CDC14B: variants seen among roughly 807,000 people sequenced by gnomAD.
CDC14B encodes the protein dual specificity protein phosphatase CDC14B.
A neutral mutation model predicts 64.2 loss-of-function variants in CDC14B; 22 were observed. That is an observed-to-expected ratio of 0.34 (90% CI 0.24 to 0.49). The LOEUF is 0.49. Ranked by LOEUF, CDC14B falls within the 20% of genes least tolerant of loss-of-function variation. The probability of loss-of-function intolerance (pLI) is 0.99; values close to 1 mark genes in which losing one functional copy is unlikely to be tolerated. For missense variants in CDC14B, 498 were observed against 629.9 expected (o/e 0.79, Z 2.24); for synonymous variants, 191 against 215.8 (o/e 0.89, Z 1.01).
rs1451989397 is a variant in CDC14B at position 96,618,268 on chromosome 9, G to A, written c.160+951C>T. Among the ~76,000 whole-genome samples, 3 of 152,164 alleles carry A rather than the reference G, an allele frequency of 2.0e-5. No homozygotes were observed. In the East Asian group the frequency reaches 5.8e-4, roughly 29 times the overall value. On this transcript the variant is annotated intron_variant, in intron 1 of 13. Transcript: ENST00000375241. ...ACAGTTTTTAATAACGCCACGCACC[G>A]AGGTTGACACATTCCCCGCCACTGA... is the stretch of plus-strand genomic sequence containing the variant.
chr9:96,514,599 T>C (rs753902977), intron 12 of CDC14B: 181 of 985,306 alleles, frequency 1.8e-4, no homozygotes, highest in Non-Finnish European at 2.1e-4. Flanking sequence ...CCAGAGTTGG[T>C]TGCAATGGAA....
chr9:96,537,816 G>A (rs985441967), intron 7 of CDC14B, among the ~76,000 whole-genome samples: 11 of 152,054 alleles, frequency 7.2e-5, no homozygotes, highest in African/African-American at 1.4e-4. Context: ...TCTGCCTCCC[G>A]GGTTCAAGTG....
intron 7 of CDC14B, among the ~76,000 whole-genome samples, chr9:96,536,837 G>C (rs915396532): frequency 2.6e-4 from 40 of 152,132 alleles, no homozygotes; most frequent in Non-Finnish European, 8.8e-5. Flanking sequence ...GCTGAAAAGG[G>C]CTTTAGCACA....
At chr9:96,494,973 T>A (rs1342472121) in intron 13 of CDC14B, among the ~76,000 whole-genome samples, 1 of 151,608 alleles carries the variant, frequency 6.6e-6, no homozygotes, top group Non-Finnish European at 1.5e-5. Flanking sequence ...TAGCTGGGAC[T>A]ACAGGTACCT....
At chr9:96,615,864 G>A (rs10124004) in intron 1 of CDC14B, among the ~76,000 whole-genome samples, 3,467 of 152,192 alleles carry the variant, frequency 0.023, 114 homozygotes, top group African/African-American at 0.079. Context: ...CTGGCCTGGC[G>A]TTTTCACCTC....
chr9:96,619,094 G>A (rs565982587), intron 1 of CDC14B, 125 bp downstream of exon 1: 1 of 690,012 alleles, frequency 1.4e-6, no homozygotes, highest in African/African-American at 1.9e-5. Flanking sequence ...GGCGTTTAAG[G>A]GGGTGGGGGC....
At chr9:96,576,946 T>A (rs147260077) in intron 1 of CDC14B, among the ~76,000 whole-genome samples, 1 of 152,138 alleles carries the variant, frequency 6.6e-6, no homozygotes, top group Non-Finnish European at 1.5e-5. Flanking sequence ...GTTCAATGAC[T>A]ACAATACAAT....
At chr9:96,561,580 G>A (rs1055893903) in intron 4 of CDC14B, among the ~76,000 whole-genome samples, 10 of 151,984 alleles carry the variant, frequency 6.6e-5, no homozygotes, top group African/African-American at 1.2e-4. Flanking sequence ...CCGGGTTCAC[G>A]ACGTTCTCTT....
chr9:96,572,107 G>A (rs1374630457), intron 1 of CDC14B, among the ~76,000 whole-genome samples: 1 of 152,142 alleles, frequency 6.6e-6, no homozygotes, highest in Non-Finnish European at 1.5e-5. Context: ...ATGCCCGGAG[G>A]GTGGTGCACC....
intron 12 of CDC14B, among the ~76,000 whole-genome samples, chr9:96,521,422 C>T (rs754152690): frequency 1.1e-4 from 17 of 152,170 alleles, no homozygotes; most frequent in Non-Finnish European, 2.4e-4. Context: ...TAAAGTACCA[C>T]TAAGTTGCAA....
At chr9:96,535,900 C>T (rs1163002624) in intron 7 of CDC14B, among the ~76,000 whole-genome samples, 5 of 152,096 alleles carry the variant, frequency 3.3e-5, no homozygotes, top group Non-Finnish European at 5.9e-5. Context: ...ACAGTGAGAC[C>T]CTCTCTCTTT....
At chr9:96,590,650 G>GT (rs111524053) in intron 1 of CDC14B, among the ~76,000 whole-genome samples, 13,357 of 140,642 alleles carry the variant, frequency 0.095, 1,467 homozygotes, top group African/African-American at 0.27. Flanking sequence ...TTATTTCCTG[G>GT]TTTTTTTTTT....
rs1352432403 is a variant in CDC14B, at chr9:96,502,930, T to C, written c.*823A>G. ...AAAAACCAATAGTGTGTTTCTTCCA[T>C]TCATGGAAGGAAATATGATTTTAAT... On this transcript the variant is annotated 3_prime_UTR_variant, in exon 14 of 14. Coordinates refer to ENST00000375241, the MANE Select transcript of CDC14B (RefSeq NM_033331.4). 1 of 398,450 alleles carries C rather than the reference T, an allele frequency of 2.5e-6. No individual in the cohort carries two copies. Among genetic ancestry groups the C allele is most frequent in the African/African-American group, 2.1e-5 (1 of 48,616 alleles). The allele number at this position is 398,450 out of a possible 1,614,324, so 24.7% of individuals were successfully genotyped here. A position where few individuals can be genotyped will look rare whatever the true frequency, so the allele number is the denominator to read the frequency against.
intron 1 of CDC14B, among the ~76,000 whole-genome samples, chr9:96,573,219 G>A (rs1844579271): frequency 6.6e-6 from 1 of 152,322 alleles, no homozygotes; most frequent in East Asian, 1.9e-4. Flanking sequence ...GCTGAGGCAG[G>A]AGAATCACTT....
intron 5 of CDC14B, among the ~76,000 whole-genome samples, chr9:96,549,494 T>A (rs1841477507): frequency 1.3e-5 from 2 of 151,808 alleles, no homozygotes; most frequent in African/African-American, 4.8e-5. Context: ...TGAAACCCCA[T>A]TCTCTACTAA....
intron 1 of CDC14B, among the ~76,000 whole-genome samples, chr9:96,590,224 ACATGGAAT>A (rs1249371928): frequency 2.0e-5 from 3 of 152,156 alleles, no homozygotes. Flanking sequence ...TACCCTATAT[ACATGGAAT>A]CAAGCAGTAT....
chr9:96,528,076 G>A (rs1169455328), intron 9 of CDC14B, among the ~76,000 whole-genome samples: 1 of 152,122 alleles, frequency 6.6e-6, no homozygotes, highest in African/African-American at 2.4e-5. Context: ...ATATCTTTAA[G>A]GTTCATCCAT....
chr9:96,509,615 T>C, intron 13 of CDC14B, 58 bp downstream of exon 13: 2 of 1,036,164 alleles, frequency 1.9e-6, no homozygotes, highest in Non-Finnish European at 3.1e-6. Flanking sequence ...AGGGTCCAAA[T>C]ATTAAACTGG....
intron 12 of CDC14B, among the ~76,000 whole-genome samples, chr9:96,519,356 T>C (rs1011738648): frequency 2.6e-5 from 4 of 152,124 alleles, no homozygotes; most frequent in Non-Finnish European, 5.9e-5. Context: ...CCTGTCATCA[T>C]TGTAGTCAGG....
Sources: gnomAD v4.1 joint callset for allele counts (sites outside exome capture counted in the v4.1 genomes callset) on GRCh38, gnomAD v4.1.1 for gene constraint, MANE v1.5 for transcripts, NCBI Gene and HGNC (gene_info 2026-07-23, HGNC 2026-07-21) for gene names.